The following ATP11A variants were observed in gnomAD, a reference collection of about 807,000 sequenced individuals.
The protein encoded by ATP11A is phospholipid-transporting ATPase IH.
Under a neutral mutation model 154.4 loss-of-function variants are expected in ATP11A, and 81 were observed. That is an observed-to-expected ratio of 0.52 (90% CI 0.44 to 0.63). ATP11A has a LOEUF of 0.63. Ranked by LOEUF, ATP11A falls within the 30% of genes least tolerant of loss-of-function variation. The pLI is 0.00. For missense variants in ATP11A, 1,316 were observed against 1,474.3 expected, an observed-to-expected ratio of 0.89 and a Z score of 1.76; for synonymous variants, 623 against 585.9, an observed-to-expected ratio of 1.06 and a Z score of -0.91.
intron 1 of ATP11A, among the ~76,000 whole-genome samples, chr13:112,713,086 G>A (rs554354844): frequency 6.6e-6 from 1 of 152,336 alleles, no homozygotes; most frequent in African/African-American, 2.4e-5. Flanking sequence ...ATCCATTTTA[G>A]CATTCTCAGA....
intron 1 of ATP11A, among the ~76,000 whole-genome samples, chr13:112,756,447 C>T (rs2076835396): frequency 6.6e-6 from 1 of 152,216 alleles, no homozygotes; most frequent in South Asian, 2.1e-4. Context: ...CCTGTATCTG[C>T]CTTCTGCCCA....
rs1048305580 is a variant in ATP11A, at chr13:112,883,430, C to T, written c.*1564C>T. On this transcript the variant is annotated 3_prime_UTR_variant, in exon 30 of 30. Transcript: ENST00000375645. ...CAACGCTGGAGGAGGAGCCGGCCCT[C>T]ACGCCCGCCCCGCGCCACGCTGTGG... The T allele has an allele frequency of 1.3e-5, 5 of 379,984 alleles. No homozygotes were observed. The highest frequency in any genetic ancestry group is 3.8e-5 in the East Asian group (1 of 26,586). The allele number at this position is 379,984 out of a possible 1,614,324, so 23.5% of individuals were successfully genotyped here. A position where few individuals can be genotyped will look rare whatever the true frequency, so the allele number is the denominator to read the frequency against.
intron 1 of ATP11A, among the ~76,000 whole-genome samples, chr13:112,774,549 C>T (rs889720650): frequency 2.0e-5 from 3 of 152,204 alleles, no homozygotes; most frequent in African/African-American, 7.2e-5. Flanking sequence ...CGATGTGCTG[C>T]ACCCACTCAC....
intron 25 of ATP11A, 110 bp from the exon 26 acceptor site, chr13:112,871,625 G>A: frequency 9.9e-7 from 1 of 1,007,442 alleles, no homozygotes; most frequent in Non-Finnish European, 1.6e-6. Context: ...TTTGGGGTTT[G>A]AAGTGTTGGC....
In ATP11A at chr13:112,881,868, C is replaced by T. The variant is rs1434578345; in HGVS notation, c.*10-8C>T. On this transcript the variant is annotated splice_polypyrimidine_tract_variant and splice_region_variant and intron_variant, in intron 29 of 29. Transcript: ENST00000375645. ...GACTCAGAATTCACCCCTCTTGCCT[C>T]TCTGCAGAGCCCAGGCTACCAGAGC... is the stretch of plus-strand genomic sequence containing the variant. 4 of 1,367,660 alleles carry T rather than the reference C, an allele frequency of 2.9e-6. No individual in the cohort carries two copies. Among genetic ancestry groups the T allele is most frequent in the Admixed American group, 1.9e-5 (1 of 52,582 alleles). 84.7% of individuals were successfully genotyped at this position (1,367,660 alleles called of 1,614,324 possible). A position where few individuals can be genotyped will look rare whatever the true frequency, so the allele number is the denominator to read the frequency against.
rs200437257 is a variant in ATP11A at position 112,858,216 on chromosome 13, A to G, written c.2593A>G (p.Lys865Glu). The G allele has an allele frequency of 3.1e-6, 5 of 1,614,130 alleles. No individual in the cohort carries two copies. In the East Asian group the frequency reaches 1.1e-4, roughly 36 times the overall value. ...TGCAATCCCAAAGTTTAAGCATTTGAAGAAGATGCTGCTTGTTCACGGGCA... is the reference window on the plus strand; with the variant it reads ...TGCAATCCCAAAGTTTAAGCATTTGGAGAAGATGCTGCTTGTTCACGGGCA... The part of the protein sequence containing the change: ...DYAIPKFKHL[K>E]KMLLVHGHFY... The change falls in exon 22 of 30, where the codon AAG becomes GAG. Residue 865 changes from lysine to glutamate, a missense_variant. Around this residue, in one of 5 missense-constraint regions of ATP11A, gnomAD observed 876 missense variants for 1,006.8 expected, o/e 0.87. Coordinates refer to ENST00000375645, the MANE Select transcript of ATP11A (RefSeq NM_015205.3).
At position 112,787,520 on chromosome 13, in the gene ATP11A, T is replaced by G. The variant is rs71446646; in HGVS notation, c.162+2263T>G. 4.7e-3 allele frequency among the ~76,000 whole-genome samples: 206 copies of G among 44,188 alleles called. 3 individuals carry two copies. The highest frequency in any genetic ancestry group is 4.0e-3 in the East Asian group (7 of 1,738). The allele number at this position is 44,188 out of a possible 152,430, so 29.0% of individuals were successfully genotyped here. On this transcript the variant is annotated intron_variant, in intron 2 of 29. Transcript: ENST00000375645. ...GTCCTGATGCGTAGACTCCTGTGGA[T>G]ACCTACTTAATTCACACCGGGTGTC...
intron 1 of ATP11A, among the ~76,000 whole-genome samples, chr13:112,748,402 G>A (rs1892420464): frequency 6.6e-6 from 1 of 152,002 alleles, no homozygotes; most frequent in African/African-American, 2.4e-5. Context: ...ATCTTGCTCT[G>A]TTGTGCAGGC....
chr13:112,705,387 G>GAGGGAAACCCTGGGATTCTCGT (rs1566355740), intron 1 of ATP11A, among the ~76,000 whole-genome samples: 1 of 152,084 alleles, frequency 6.6e-6, no homozygotes, highest in African/African-American at 2.4e-5. Context: ...GGGGTGCTCA[G>GAGGGAAACCCTGGGATTCTCGT]CAGTTGATGT....
chr13:112,710,888 G>A (rs1351411219), intron 1 of ATP11A, among the ~76,000 whole-genome samples: 4 of 152,198 alleles, frequency 2.6e-5, no homozygotes, highest in African/African-American at 4.8e-5. Context: ...TCCCAGCCCC[G>A]CGTCATGTGA....
In ATP11A at chr13:112,858,198, C is replaced by T. The variant is rs373061857; in HGVS notation, c.2575C>T (p.Pro859Ser). The T allele has an allele frequency of 1.5e-5, 25 of 1,613,952 alleles. No individual in the cohort carries two copies. Among genetic ancestry groups the T allele is most frequent in the Non-Finnish European group, 2.1e-5 (25 of 1,180,020 alleles). ...QAARNSDYAIPKFKHLKKMLL... is the reference protein window; with the variant it reads ...QAARNSDYAISKFKHLKKMLL... ...TGCCAGGAACAGCGACTATGCAATC[C>T]CAAAGTTTAAGCATTTGAAGAAGAT... The change falls in exon 22 of 30, where the codon CCA becomes TCA. Residue 859 changes from proline (P) to serine (S), a missense_variant. By Grantham distance (74) the Pro-to-Ser change is moderately conservative. Coordinates refer to ENST00000375645, the MANE Select transcript of ATP11A (RefSeq NM_015205.3).
chr13:112,831,733 C>T (rs1196586804), intron 13 of ATP11A, among the ~76,000 whole-genome samples, 185 bp downstream of exon 13: 1 of 152,220 alleles, frequency 6.6e-6, no homozygotes, highest in Non-Finnish European at 1.5e-5. Context: ...TCAGTGATAC[C>T]CGTGTTAGAA....
rs958998108 is a variant in ATP11A, at chr13:112,690,038, A to G, written c.-379A>G. On this transcript the variant is annotated 5_prime_UTR_variant, in exon 1 of 30. Transcript: ENST00000375645. This position sits in a 1 kb window ranked among gnomAD's most constrained non-coding sequence, Gnocchi z 5.6. ...GGAGCCAGCGGGGCCCGGAGGCTCC[A>G]GAGGGCGGCGGGCAGGGGAGGAGGA... 6.7e-6 allele frequency among the ~76,000 whole-genome samples: 1 copy of G among 148,646 alleles called. No individual in the cohort carries two copies. Among genetic ancestry groups the G allele is most frequent in the African/African-American group, 2.4e-5 (1 of 41,074 alleles).
chr13:112,806,561 A>G (rs1305493951), intron 4 of ATP11A, among the ~76,000 whole-genome samples: 1 of 152,228 alleles, frequency 6.6e-6, no homozygotes. Context: ...ATCTGATCAG[A>G]TGAGTCACTT....
chr13:112,804,646 A>G (rs940656487), intron 2 of ATP11A, among the ~76,000 whole-genome samples: 1 of 151,128 alleles, frequency 6.6e-6, no homozygotes, highest in African/African-American at 2.4e-5. Context: ...TAAAATGCTA[A>G]TGTGTTGAGT....
At chr13:112,752,146 C>T (rs2076707934) in intron 1 of ATP11A, among the ~76,000 whole-genome samples, 1 of 152,132 alleles carries the variant, frequency 6.6e-6, no homozygotes, top group Non-Finnish European at 1.5e-5. Flanking sequence ...TCACTGTAAA[C>T]CCTGTGTCTG....
chr13:112,844,014 G>T (rs1005538331), intron 17 of ATP11A, among the ~76,000 whole-genome samples: 1 of 152,352 alleles, frequency 6.6e-6, no homozygotes, highest in East Asian at 1.9e-4. Flanking sequence ...CCTCTGAGCA[G>T]CACAAGCGTC....
At chr13:112,769,708 G>A (rs1193437017) in intron 1 of ATP11A, among the ~76,000 whole-genome samples, 1 of 152,180 alleles carries the variant, frequency 6.6e-6, no homozygotes, top group South Asian at 2.1e-4. Flanking sequence ...CCGATTTCTA[G>A]CACTGATTTG....
chr13:112,771,165 C>T (rs2077216925), intron 1 of ATP11A, among the ~76,000 whole-genome samples: 1 of 152,384 alleles, frequency 6.6e-6, no homozygotes, highest in South Asian at 2.1e-4. Context: ...CTGATGCGGG[C>T]AGCCACAACC....
Sources: gnomAD v4.1 joint callset for allele counts (sites outside exome capture counted in the v4.1 genomes callset) on GRCh38, gnomAD v4.1.1 for gene constraint, gnomAD v4.1.1 regional missense constraint, Gnocchi (gnomAD v3.1) non-coding constraint, MANE v1.5 for transcripts, NCBI Gene and HGNC (gene_info 2026-07-23, HGNC 2026-07-21) for gene names.